The following MTAP variants were observed in gnomAD, a reference collection of about 807,000 sequenced individuals.
MTAP encodes the protein methylthioadenosine phosphorylase.
MTAP carries 33 observed loss-of-function variants against 33.6 expected under a neutral mutation model. The ratio of observed to expected loss-of-function variants is 0.98; its 90% CI spans 0.74 to 1.31. The LOEUF is 1.31. MTAP is among the 40% of genes most tolerant of loss of function. The probability of loss-of-function intolerance (pLI) is 0.00; values close to 1 mark genes in which losing one functional copy is unlikely to be tolerated. For synonymous variants in MTAP, 148 were observed against 125.7 expected (o/e 1.18, Z -1.19); for missense variants, 367 against 360.0 (o/e 1.02, Z -0.16).
At chr9:21,846,054 C>G (rs941663136) in intron 5 of MTAP, among the ~76,000 whole-genome samples, 1 of 152,132 alleles carries the variant, frequency 6.6e-6, no homozygotes, top group African/African-American at 2.4e-5. Context: ...GGATAATTGG[C>G]AAGCCAGATG....
At chr9:21,855,028 C>A (rs1825604793) in intron 6 of MTAP, among the ~76,000 whole-genome samples, 158 bp downstream of exon 6, 1 of 152,054 alleles carries the variant, frequency 6.6e-6, no homozygotes, top group Non-Finnish European at 1.5e-5. Flanking sequence ...AAGGTAAGAA[C>A]AAAGATCAAA....
At chr9:21,833,674 G>A (rs1825028677) in intron 4 of MTAP, among the ~76,000 whole-genome samples, 1 of 152,142 alleles carries the variant, frequency 6.6e-6, no homozygotes, top group South Asian at 2.1e-4. Context: ...ATTGACTCAC[G>A]ATTCTGCATG....
chr9:21,809,498 G>A (rs990131634), intron 1 of MTAP, among the ~76,000 whole-genome samples: 1 of 152,064 alleles, frequency 6.6e-6, no homozygotes, highest in Non-Finnish European at 1.5e-5. Context: ...AATTAGCCGG[G>A]CACGGTGGCA....
intron 4 of MTAP, among the ~76,000 whole-genome samples, chr9:21,834,424 A>G (rs1036768607): frequency 1.3e-5 from 2 of 152,256 alleles, no homozygotes; most frequent in Non-Finnish European, 2.9e-5. Context: ...AGGTTAAAGC[A>G]AGAGGAAGAA....
At chr9:21,891,742 G>C (rs777281881) in intron 1 of MTAP, among the ~76,000 whole-genome samples, 3 of 152,150 alleles carry the variant, frequency 2.0e-5, no homozygotes, top group East Asian at 3.8e-4. Context: ...CCTTGCTAGA[G>C]AGGCGAATAT....
At chr9:21,816,494 C>A (rs1400244918) in intron 2 of MTAP, among the ~76,000 whole-genome samples, 1 of 152,210 alleles carries the variant, frequency 6.6e-6, no homozygotes, top group Non-Finnish European at 1.5e-5. Flanking sequence ...GGTACCTACA[C>A]AGGTGCCCAT....
At chr9:21,930,272 C>A in intron 1 of MTAP, 1 of 230,302 alleles carries the variant, frequency 4.3e-6, no homozygotes, top group Non-Finnish European at 8.6e-6. Flanking sequence ...TGTTGTCATC[C>A]TTGGTATTTT....
At chr9:21,812,622 A>T (rs1256905160) in intron 1 of MTAP, among the ~76,000 whole-genome samples, 1 of 152,210 alleles carries the variant, frequency 6.6e-6, no homozygotes, top group African/African-American at 2.4e-5. Context: ...CTGAGGGTGG[A>T]TGAGGTCATT....
chr9:21,843,573 T>C (rs569710865), intron 5 of MTAP, among the ~76,000 whole-genome samples: 1 of 152,156 alleles, frequency 6.6e-6, no homozygotes, highest in African/African-American at 2.4e-5. Flanking sequence ...GGAATAAAAT[T>C]GGAAATTAAC....
chr9:21,891,522 C>G (rs1009167470), intron 1 of MTAP, among the ~76,000 whole-genome samples: 3 of 152,070 alleles, frequency 2.0e-5, no homozygotes, highest in Non-Finnish European at 4.4e-5. Context: ...GCAGAATAAA[C>G]CAAGCTATGG....
Position 21,818,188 on chromosome 9 carries a change from T to C in MTAP, c.333T>C (p.Asp111=). The change falls in exon 4 of 8, where the codon GAT becomes GAC. Residue 111 remains aspartate (D), a synonymous_variant. Transcript: ENST00000644715. ...EIQPGDIVII[D]QFIDRTTMRP... ...AGCCCGGCGATATTGTCATTATTGA[T>C]CAGTTCATTGACAGGTAAGCAGTCA... 1.2e-6 allele frequency: 2 copies of C among 1,613,948 alleles called. No homozygotes were observed. The highest frequency in any genetic ancestry group is 1.7e-6 in the Non-Finnish European group (2 of 1,179,980).
intron 1 of MTAP, among the ~76,000 whole-genome samples, chr9:21,905,955 T>C (rs961378597): frequency 1.3e-5 from 2 of 152,208 alleles, no homozygotes; most frequent in Admixed American, 1.3e-4. Flanking sequence ...GTGGGTTTGG[T>C]ATTTATTTTA....
intron 4 of MTAP, among the ~76,000 whole-genome samples, chr9:21,826,880 C>G (rs1327936023): frequency 2.0e-5 from 3 of 152,004 alleles, no homozygotes; most frequent in Non-Finnish European, 4.4e-5. Flanking sequence ...GCTCCCCATC[C>G]TGTCAGATCA....
At chr9:21,890,498 A>G (rs1262148702) in intron 1 of MTAP, among the ~76,000 whole-genome samples, 1 of 152,078 alleles carries the variant, frequency 6.6e-6, no homozygotes, top group East Asian at 1.9e-4. Flanking sequence ...AAATTATTAC[A>G]GAGTTCAACT....
At chr9:21,883,812 A>T (rs1818057335) in intron 1 of MTAP, among the ~76,000 whole-genome samples, 1 of 151,916 alleles carries the variant, frequency 6.6e-6, no homozygotes, top group Non-Finnish European at 1.5e-5. Context: ...GTGGCCTGCA[A>T]TAGGAAGCTG....
intron 4 of MTAP, among the ~76,000 whole-genome samples, chr9:21,829,378 G>C (rs1305330878): frequency 6.6e-6 from 1 of 151,912 alleles, no homozygotes; most frequent in Non-Finnish European, 1.5e-5. Context: ...TCCCAATGGA[G>C]GGCTGAATTG....
chr9:21,940,429 T>A (rs1442030207), downstream of MTAP, among the ~76,000 whole-genome samples: 1 of 152,184 alleles, frequency 6.6e-6, no homozygotes, highest in Non-Finnish European at 1.5e-5. Flanking sequence ...AAACTATATA[T>A]TAGTAGAAAA....
intron 1 of MTAP, among the ~76,000 whole-genome samples, chr9:21,805,511 T>C (rs1563827021): frequency 6.6e-6 from 1 of 152,180 alleles, no homozygotes; most frequent in Non-Finnish European, 1.5e-5. Flanking sequence ...CAGAAAAGAC[T>C]CCTAGGGAGG....
chr9:21,896,994 A>T (rs1364545858), intron 1 of MTAP, among the ~76,000 whole-genome samples: 1 of 152,244 alleles, frequency 6.6e-6, no homozygotes, highest in East Asian at 1.9e-4. Context: ...AAATACTGCC[A>T]AACCGAATCC....
Sources: gnomAD v4.1 joint callset for allele counts (sites outside exome capture counted in the v4.1 genomes callset) on GRCh38, gnomAD v4.1.1 for gene constraint, MANE v1.5 for transcripts, NCBI Gene and HGNC (gene_info 2026-07-23, HGNC 2026-07-21) for gene names.